FBXW8: variants seen among roughly 807,000 people sequenced by gnomAD.
FBXW8 encodes F-box/WD repeat-containing protein 8.
FBXW8 carries 57 observed loss-of-function variants against 65.3 expected under a neutral mutation model. That is an observed-to-expected ratio of 0.87 (90% CI 0.71 to 1.09). The LOEUF is 1.09. FBXW8 is among the 50% of genes least tolerant of loss of function. FBXW8 has a pLI of 0.00. For synonymous variants in FBXW8, 308 were observed against 330.2 expected (o/e 0.93, Z 0.73); for missense variants, 777 against 814.8 (o/e 0.95, Z 0.57).
chr12:117,020,409 C>T (rs540730177), intron 8 of FBXW8, among the ~76,000 whole-genome samples: 1 of 152,298 alleles, frequency 6.6e-6, no homozygotes, highest in Non-Finnish European at 1.5e-5. Flanking sequence ...TTCATCAGTT[C>T]GGGAAACATC....
intron 9 of FBXW8, among the ~76,000 whole-genome samples, chr12:117,026,164 CTGCCTGACAGGG>C (rs771391888): frequency 2.6e-5 from 4 of 152,274 alleles, no homozygotes; most frequent in Non-Finnish European, 5.9e-5. Flanking sequence ...AGGTCCTCGC[CTGCCTGACAGGG>C]TGCCGTCAGT....
At chr12:117,014,435 A>G (rs534515169) in intron 8 of FBXW8, among the ~76,000 whole-genome samples, 2 of 152,282 alleles carry the variant, frequency 1.3e-5, no homozygotes, top group South Asian at 4.1e-4. Flanking sequence ...GACATCTGTT[A>G]ATTGTCTTTT....
At chr12:117,008,667 TTTA>T (rs1565939299) in intron 7 of FBXW8, among the ~76,000 whole-genome samples, 1 of 152,266 alleles carries the variant, frequency 6.6e-6, no homozygotes. Flanking sequence ...GAATATTTAA[TTTA>T]TTATTAACTT....
intron 7 of FBXW8, among the ~76,000 whole-genome samples, chr12:116,994,843 C>T (rs762945930): frequency 6.6e-6 from 1 of 152,226 alleles, no homozygotes; most frequent in Non-Finnish European, 1.5e-5. Context: ...ACTTGGTCCA[C>T]ATGAATGTAT....
chr12:116,942,614 T>C (rs1277655198), intron 2 of FBXW8, among the ~76,000 whole-genome samples: 1 of 151,936 alleles, frequency 6.6e-6, no homozygotes, highest in African/African-American at 2.4e-5. Flanking sequence ...GACCTCGTGA[T>C]CCACCTGCCT....
intron 9 of FBXW8, among the ~76,000 whole-genome samples, chr12:117,026,039 G>A (rs922965627): frequency 5.9e-5 from 9 of 152,238 alleles, no homozygotes; most frequent in African/African-American, 1.9e-4. Flanking sequence ...CTCCTGCCCA[G>A]AACTCACTGA....
At chr12:116,959,936 T>A (rs184987741) in intron 4 of FBXW8, among the ~76,000 whole-genome samples, 124 of 152,340 alleles carry the variant, frequency 8.1e-4, no homozygotes, top group Middle Eastern at 3.4e-3. Flanking sequence ...TTTTCCTTAG[T>A]GTTCTTACAT....
chr12:116,977,202 C>T (rs1885002405), intron 5 of FBXW8, among the ~76,000 whole-genome samples: 1 of 152,120 alleles, frequency 6.6e-6, no homozygotes, highest in African/African-American at 2.4e-5. Context: ...AGACTTTTCC[C>T]CCTGCTTTTT....
At chr12:116,954,078 C>T (rs1883464546) in intron 4 of FBXW8, among the ~76,000 whole-genome samples, 1 of 139,144 alleles carries the variant, frequency 7.2e-6, no homozygotes, top group Non-Finnish European at 1.5e-5. Context: ...CGCACCATTG[C>T]ATTCCAGCCT....
At chr12:116,945,986 C>T (rs1882904418) in intron 3 of FBXW8, among the ~76,000 whole-genome samples, 1 of 152,218 alleles carries the variant, frequency 6.6e-6, no homozygotes, top group Non-Finnish European at 1.5e-5. Flanking sequence ...AACCTATTGG[C>T]GTGCTTCCAT....
chr12:116,971,173 G>A (rs1884624386), intron 5 of FBXW8, among the ~76,000 whole-genome samples: 1 of 151,924 alleles, frequency 6.6e-6, no homozygotes, highest in Non-Finnish European at 1.5e-5. Context: ...GACCAGCCTG[G>A]GCAACATAGT....
chr12:116,925,137 G>A (rs145972801), intron 1 of FBXW8, among the ~76,000 whole-genome samples: 223 of 152,288 alleles, frequency 1.5e-3, no homozygotes, highest in African/African-American at 5.2e-3. Context: ...TTGCATGTAG[G>A]TGGTTTAGTG....
At chr12:116,935,278 G>A (rs1882074966) in intron 2 of FBXW8, among the ~76,000 whole-genome samples, 1 of 152,094 alleles carries the variant, frequency 6.6e-6, no homozygotes, top group Admixed American at 6.5e-5. Context: ...ATTAGATTAT[G>A]GTATTTCAAG....
At chr12:116,970,421 C>T (rs1884584226) in intron 5 of FBXW8, among the ~76,000 whole-genome samples, 1 of 152,134 alleles carries the variant, frequency 6.6e-6, no homozygotes, top group African/African-American at 2.4e-5. Flanking sequence ...CACACATGCT[C>T]CATTGTCCGG....
chr12:116,945,223 C>T, intron 2 of FBXW8, 141 bp from the exon 3 acceptor site: 3 of 660,268 alleles, frequency 4.5e-6, no homozygotes, highest in Middle Eastern at 4.5e-4. Flanking sequence ...ATTTTTTTTT[C>T]CACCTCATAG....
chr12:116,964,161 T>A (rs1234113232), intron 4 of FBXW8, among the ~76,000 whole-genome samples: 1 of 152,236 alleles, frequency 6.6e-6, no homozygotes, highest in Non-Finnish European at 1.5e-5. Context: ...GTCTGGCTGC[T>A]AAAGGCAAGA....
intron 8 of FBXW8, among the ~76,000 whole-genome samples, chr12:117,017,970 A>G (rs1326125065): frequency 1.3e-5 from 2 of 152,124 alleles, no homozygotes; most frequent in Non-Finnish European, 2.9e-5. Context: ...CTGCTGTTAG[A>G]GAGAGAGTGA....
intron 3 of FBXW8, among the ~76,000 whole-genome samples, chr12:116,946,750 C>T (rs1882960211): frequency 6.6e-6 from 1 of 152,044 alleles, no homozygotes; most frequent in South Asian, 2.1e-4. Context: ...CCCCCAGTCC[C>T]TCTTGCCCGT....
At chr12:116,914,593 A>C (rs919438028) in intron 1 of FBXW8, among the ~76,000 whole-genome samples, 6 of 136,860 alleles carry the variant, frequency 4.4e-5, no homozygotes, top group African/African-American at 1.6e-4. Context: ...AAAAAAAAAA[A>C]GGCTGGGCCT....
Sources: allele counts gnomAD v4.1 joint callset (sites outside exome capture counted in the v4.1 genomes callset), GRCh38; gene constraint gnomAD v4.1.1; transcripts MANE v1.5; gene names NCBI Gene and HGNC (gene_info 2026-07-23, HGNC 2026-07-21).